The following ARHGDIB variants were observed in gnomAD, a reference collection of about 807,000 sequenced individuals.
ARHGDIB encodes the protein rho GDP-dissociation inhibitor 2.
ARHGDIB carries 20 observed loss-of-function variants against 22.6 expected under a neutral mutation model. The observed-to-expected ratio is 0.88, with a 90% confidence interval of 0.62 to 1.28. ARHGDIB has a LOEUF of 1.28. Among genes scored for constraint, ARHGDIB ranks in the 50% most tolerant of loss-of-function variants. ARHGDIB has a pLI of 0.00. For synonymous variants in ARHGDIB, 114 were observed against 96.1 expected, an observed-to-expected ratio of 1.19 and a Z score of -1.09; for missense variants, 254 against 245.4, an observed-to-expected ratio of 1.04 and a Z score of -0.23.
At chr12:14,946,539 C>T (rs1297919548) in intron 4 of ARHGDIB, among the ~76,000 whole-genome samples, 1 of 152,146 alleles carries the variant, frequency 6.6e-6, no homozygotes, top group South Asian at 2.1e-4. Flanking sequence ...GATGGTTCAA[C>T]TTTACGTAGG....
At chr12:14,953,656 A>C (rs935199104) in intron 1 of ARHGDIB, among the ~76,000 whole-genome samples, 1 of 152,038 alleles carries the variant, frequency 6.6e-6, no homozygotes, top group Non-Finnish European at 1.5e-5. Flanking sequence ...AGATAAACCC[A>C]TGACATTGTG....
chr12:14,953,422 A>G (rs1351041801), intron 1 of ARHGDIB, among the ~76,000 whole-genome samples: 1 of 152,330 alleles, frequency 6.6e-6, no homozygotes, highest in East Asian at 1.9e-4. Flanking sequence ...AATTAGGGTC[A>G]TGATTATTTG....
chr12:14,958,845 G>T (rs1285559203), intron 1 of ARHGDIB, among the ~76,000 whole-genome samples: 1 of 152,150 alleles, frequency 6.6e-6, no homozygotes, highest in Non-Finnish European at 1.5e-5. Flanking sequence ...GATGATTCAG[G>T]ATGTGCTTAT....
chr12:14,948,060 A>T, intron 3 of ARHGDIB, 111 bp from the exon 4 acceptor site: 1 of 734,832 alleles, frequency 1.4e-6, no homozygotes, highest in Non-Finnish European at 2.4e-6. Flanking sequence ...AACATGGTTC[A>T]CAGGGCCCTC....
intron 3 of ARHGDIB, among the ~76,000 whole-genome samples, chr12:14,949,386 T>C (rs1864111493): frequency 6.6e-6 from 1 of 152,152 alleles, no homozygotes; most frequent in Non-Finnish European, 1.5e-5. Context: ...TCTAGTATAA[T>C]TCCGGATTGC....
intron 1 of ARHGDIB, among the ~76,000 whole-genome samples, chr12:14,959,592 G>T (rs965685582): frequency 2.0e-5 from 3 of 152,184 alleles, no homozygotes; most frequent in Middle Eastern, 6.8e-3. Context: ...CTCTTTTCCT[G>T]CTAGCTGATG....
chr12:14,947,190 CTT>C (rs2120695754), intron 4 of ARHGDIB, among the ~76,000 whole-genome samples: 1 of 152,314 alleles, frequency 6.6e-6, no homozygotes, highest in Admixed American at 6.5e-5. Context: ...GCATTTCTAA[CTT>C]ATTTGTTTTC....
At position 14,951,448 on chromosome 12, in the gene ARHGDIB, T is replaced by C. The variant is rs139739800; in HGVS notation, c.-12-724A>G. 2.3e-4 allele frequency among the ~76,000 whole-genome samples: 35 copies of C among 152,352 alleles called. No homozygotes were observed. The East Asian group carries it at 6.6e-3, about 29-fold the overall frequency. ...CTTGATTGATATATAAGGTTTTATA[T>C]CTAAAGATATTCTATTCTTTTTAAA... On this transcript the variant is annotated intron_variant, in intron 1 of 5. Transcript: ENST00000228945.
chr12:14,960,794 C>G (rs1017665463), intron 1 of ARHGDIB, among the ~76,000 whole-genome samples: 1 of 152,234 alleles, frequency 6.6e-6, no homozygotes, highest in South Asian at 2.1e-4. Flanking sequence ...TGAGCCACCA[C>G]GCCCAGCCCT....
intron 1 of ARHGDIB, among the ~76,000 whole-genome samples, chr12:14,954,435 G>T (rs769533000): frequency 1.3e-5 from 2 of 152,228 alleles, no homozygotes; most frequent in Non-Finnish European, 2.9e-5. Flanking sequence ...AAGCCCAGGT[G>T]CACATGGGTG....
chr12:14,948,100 G>GCACACACACA lies in ARHGDIB; in HGVS notation c.266-161_266-152dup, dbSNP rs56206040. 4.9e-4 allele frequency: 213 copies of GCACACACACA among 437,482 alleles called. 1 individual carries two copies. The highest frequency in any genetic ancestry group is 3.3e-3 in the Admixed American group (89 of 27,332). The allele number at this position is 437,482 out of a possible 1,614,324, so 27.1% of individuals were successfully genotyped here. A position where few individuals can be genotyped will look rare whatever the true frequency, so the allele number is the denominator to read the frequency against. ...CACAGAGTATTTGAGTTTAGTCCTTGCACACACACACACACACACACACAC... is the reference window on the plus strand; with the variant it reads ...CACAGAGTATTTGAGTTTAGTCCTTGCACACACACACACACACACACACACACACACACAC... On this transcript the variant is annotated intron_variant, in intron 3 of 5. Transcript: ENST00000228945.
intron 5 of ARHGDIB, 98 bp from the exon 6 acceptor site, chr12:14,942,819 G>T: frequency 9.5e-7 from 1 of 1,053,248 alleles, no homozygotes; most frequent in Non-Finnish European, 1.4e-6. Context: ...AGTGATTAAA[G>T]TCAAGAGCAA....
At chr12:14,959,928 T>G in intron 1 of ARHGDIB, among the ~76,000 whole-genome samples, 1 of 152,212 alleles carries the variant, frequency 6.6e-6, no homozygotes. Context: ...GCTTGTGCTA[T>G]ATCTGCTTTG....
In ARHGDIB at chr12:14,960,766, G is replaced by T. The variant is rs993286931; in HGVS notation, c.-13+771C>A. ...GATCTACCCGCCTCGGCCTCCCAAA[G>T]TGCTGGGATTGCAGGCGTGAGCCAC... On this transcript the variant is annotated intron_variant, in intron 1 of 5. Transcript: ENST00000228945. 5.3e-5 allele frequency among the ~76,000 whole-genome samples: 8 copies of T among 152,336 alleles called. No individual in the cohort carries two copies. The East Asian group carries it at 1.5e-3, about 29-fold the overall frequency.
chr12:14,944,603 T>C (rs1454379484), intron 5 of ARHGDIB, among the ~76,000 whole-genome samples, 173 bp downstream of exon 5: 5 of 152,224 alleles, frequency 3.3e-5, no homozygotes, highest in South Asian at 2.1e-4. Flanking sequence ...CCCCTGAGCA[T>C]TGGCCTTGTC....
At position 14,954,541 on chromosome 12, in the gene ARHGDIB, T is replaced by C. The variant is rs544845972; in HGVS notation, c.-12-3817A>G. Among the ~76,000 whole-genome samples the C allele has an allele frequency of 3.9e-5, 6 of 152,276 alleles. No individual in the cohort carries two copies. In the East Asian group the frequency reaches 1.2e-3, roughly 29 times the overall value. ...CTAGGCCTTGTTATGCATGCCTGGGTTTGGGTTCTGGCTTTCCTACTAACT... is the reference window on the plus strand; with the variant it reads ...CTAGGCCTTGTTATGCATGCCTGGGCTTGGGTTCTGGCTTTCCTACTAACT... On this transcript the variant is annotated intron_variant, in intron 1 of 5. Coordinates refer to ENST00000228945, the MANE Select transcript of ARHGDIB (RefSeq NM_001175.7).
intron 1 of ARHGDIB, among the ~76,000 whole-genome samples, chr12:14,961,003 C>T (rs997818268): frequency 2.0e-4 from 30 of 152,176 alleles, no homozygotes; most frequent in African/African-American, 7.2e-4. Context: ...TCTTATATCA[C>T]CAGAAAATTA....
At chr12:14,958,394 G>A (rs993925762) in intron 1 of ARHGDIB, among the ~76,000 whole-genome samples, 1 of 152,220 alleles carries the variant, frequency 6.6e-6, no homozygotes, top group Non-Finnish European at 1.5e-5. Flanking sequence ...AATCAATCCA[G>A]AGAAGGGCAC....
At chr12:14,948,100 G>GCGCGCCCACACA in intron 3 of ARHGDIB, 151 bp from the exon 4 acceptor site, 1 of 436,272 alleles carries the variant, frequency 2.3e-6, no homozygotes. Context: ...TTTAGTCCTT[G>GCGCGCCCACACA]CACACACACA....
Sources: allele counts gnomAD v4.1 joint callset (sites outside exome capture counted in the v4.1 genomes callset), GRCh38; gene constraint gnomAD v4.1.1; transcripts MANE v1.5; gene names NCBI Gene and HGNC (gene_info 2026-07-23, HGNC 2026-07-21).